XRCC3: variants seen among roughly 807,000 people sequenced by gnomAD.
XRCC3 encodes the protein DNA repair protein XRCC3.
Under a neutral mutation model 29.2 loss-of-function variants are expected in XRCC3, and 34 were observed. The observed-to-expected ratio is 1.16, with a 90% CI of 0.88 to 1.55. The LOEUF is 1.55. Among genes scored for constraint, XRCC3 ranks in the 40% most tolerant of loss-of-function variants. XRCC3 has a pLI of 0.00. For missense variants in XRCC3, 463 were observed against 467.6 expected, an observed-to-expected ratio of 0.99 and a Z score of 0.09; for synonymous variants, 223 against 211.3, an observed-to-expected ratio of 1.06 and a Z score of -0.48.
intron 5 of XRCC3, 64 bp downstream of exon 5, chr14:103,708,458 A>C: frequency 1.9e-6 from 3 of 1,609,040 alleles, no homozygotes; most frequent in Non-Finnish European, 2.5e-6. Context: ...CCTGCCCTGC[A>C]CCACTGGGAC....
At chr14:103,706,050 G>C (rs573880059) in intron 6 of XRCC3, 10 of 297,134 alleles carry the variant, frequency 3.4e-5, no homozygotes, top group Admixed American at 1.4e-4. Flanking sequence ...GGGCTGCAGG[G>C]ACAAAAATGC....
intron 4 of XRCC3, chr14:103,710,585 A>C (rs1177885864): frequency 2.0e-5 from 3 of 150,588 alleles, no homozygotes; most frequent in Admixed American, 2.0e-4. Context: ...CTAAATTTAC[A>C]AAAAAATTAG....
At chr14:103,706,563 C>T in intron 6 of XRCC3, 4 of 380,478 alleles carry the variant, frequency 1.1e-5, no homozygotes, top group Admixed American at 6.4e-5. Flanking sequence ...TGCAGGGAAC[C>T]CTCGTTTCAC....
intron 7 of XRCC3, 105 bp from the exon 8 acceptor site, chr14:103,699,681 A>C: frequency 3.6e-6 from 4 of 1,115,202 alleles, no homozygotes; most frequent in Non-Finnish European, 5.3e-6. Flanking sequence ...CTTCCTACCC[A>C]CCTGGGGCTC....
At chr14:103,707,550 A>G in intron 5 of XRCC3, 1 of 439,160 alleles carries the variant, frequency 2.3e-6, no homozygotes. Context: ...GTGAAGAAAA[A>G]GGCACAGCTC....
At chr14:103,713,166 T>C (rs1446478414) in intron 1 of XRCC3, 1 of 152,402 alleles carries the variant, frequency 6.6e-6, no homozygotes, top group South Asian at 2.1e-4. Flanking sequence ...CACCAGCCCA[T>C]GGCCTGTTCA....
intron 7 of XRCC3, chr14:103,699,867 G>A (rs3212107): frequency 0.012 from 5,869 of 471,528 alleles, 271 homozygotes; most frequent in African/African-American, 0.11. Flanking sequence ...CTCTGTAGAG[G>A]TGTCCTTTGC....
intron 1 of XRCC3, chr14:103,713,758 T>C (rs1466976755): frequency 6.6e-6 from 1 of 152,234 alleles, no homozygotes; most frequent in Non-Finnish European, 1.5e-5. Context: ...CTGACCCCCC[T>C]GCAAGAGTGT....
At position 103,700,260 on chromosome 14, in the gene XRCC3, G is replaced by A. The variant is rs533130119; in HGVS notation, c.562-684C>T. 1.3e-4 allele frequency: 28 copies of A among 213,022 alleles called. 1 individual carries two copies. The South Asian group carries it at 2.3e-3, about 18-fold the overall frequency. 13.2% of individuals were successfully genotyped at this position (213,022 alleles called of 1,614,324 possible). On this transcript the variant is annotated intron_variant, in intron 7 of 9. Coordinates refer to ENST00000555055, the MANE Select transcript of XRCC3 (RefSeq NM_005432.4). ...TCTGAGCTGGCCTGGCCTGGCCAAG[G>A]GGTGGAAACAGCCCTGTGCCCACCA...
At position 103,711,040 on chromosome 14, in the gene XRCC3, A is replaced by C; in HGVS notation, c.48T>G (p.Ile16Met). The C allele has an allele frequency of 6.2e-7, 1 of 1,614,132 alleles. No individual in the cohort carries two copies. The highest frequency in any genetic ancestry group is 8.5e-7 in the Non-Finnish European group (1 of 1,180,002). The change falls in exon 4 of 10, where the codon ATT becomes ATG. Residue 16 changes from isoleucine to methionine, a missense_variant. By Grantham distance (10) the Ile-to-Met change is conservative. Coordinates refer to ENST00000555055, the MANE Select transcript of XRCC3 (RefSeq NM_005432.4). ...AAATAGAAATAAATGTACCTTTCTT[A>C]ATTGCAGCAATAATTCTGGGATTCA... ...LDLNPRIIAAIKKAKLKSVKE... is the reference protein window; with the variant it reads ...LDLNPRIIAAMKKAKLKSVKE...
chr14:103,700,571 C>A (rs968254222), intron 7 of XRCC3: 4 of 1,112,096 alleles, frequency 3.6e-6, no homozygotes, highest in African/African-American at 1.6e-5. Flanking sequence ...TGCAGCCACA[C>A]GCTGGTGTCA....
At chr14:103,706,720 C>A (rs528216684) in intron 6 of XRCC3, 1 of 500,028 alleles carries the variant, frequency 2.0e-6, no homozygotes, top group Non-Finnish European at 3.7e-6. Context: ...GGGCCGGCAT[C>A]GCTGTGCTCA....
chr14:103,700,920 G>A (rs966349546), intron 7 of XRCC3, among the ~76,000 whole-genome samples: 63 of 152,200 alleles, frequency 4.1e-4, no homozygotes, highest in African/African-American at 1.4e-3. Flanking sequence ...GTGGGGGGGT[G>A]GGAATGGCAC....
chr14:103,703,457 G>T, intron 6 of XRCC3, 130 bp from the exon 7 acceptor site: 1 of 1,128,962 alleles, frequency 8.9e-7, no homozygotes, highest in Non-Finnish European at 1.3e-6. Flanking sequence ...CCCCTCGCCT[G>T]GGGAGGGAGG....
chr14:103,710,233 AC>A (rs1322906486), intron 4 of XRCC3: 1 of 152,312 alleles, frequency 6.6e-6, no homozygotes, highest in Non-Finnish European at 1.5e-5. Flanking sequence ...GCCAGTATGC[AC>A]CCAGTCACAA....
At chr14:103,705,710 G>GGTGTCCTAAGGCTTCT (rs1447451230) in intron 6 of XRCC3, 5 of 153,432 alleles carry the variant, frequency 3.3e-5, no homozygotes, top group Non-Finnish European at 7.3e-5. Flanking sequence ...ATTCAGGGAG[G>GGTGTCCTAAGGCTTCT]GTGTCCTAAG....
chr14:103,708,384 ACT>A, intron 5 of XRCC3, 136 bp downstream of exon 5: 2 of 1,286,696 alleles, frequency 1.6e-6, no homozygotes, highest in Non-Finnish European at 2.2e-6. Flanking sequence ...CAAGATGGGA[ACT>A]CTGGGGCTGG....
At chr14:103,711,326 G>T (rs771648753) in intron 3 of XRCC3, 81 bp from the exon 4 acceptor site, 2 of 675,808 alleles carry the variant, frequency 3.0e-6, no homozygotes, top group South Asian at 1.5e-5. Flanking sequence ...TTACCTCTAA[G>T]AATTATTTAG....
At chr14:103,699,684 TG>T in intron 7 of XRCC3, 108 bp from the exon 8 acceptor site, 1 of 1,088,062 alleles carries the variant, frequency 9.2e-7, no homozygotes, top group Non-Finnish European at 1.4e-6. Flanking sequence ...CCTACCCACC[TG>T]GGGCTCACAG....
Sources: allele counts gnomAD v4.1 joint callset (sites outside exome capture counted in the v4.1 genomes callset), GRCh38; gene constraint gnomAD v4.1.1; transcripts MANE v1.5; gene names NCBI Gene and HGNC (gene_info 2026-07-23, HGNC 2026-07-21).